NCOR2: variants seen among roughly 807,000 people sequenced by gnomAD.
NCOR2 encodes CTG repeat protein 26.
NCOR2 carries 81 observed loss-of-function variants against 262.9 expected under a neutral mutation model. The ratio of observed to expected loss-of-function variants is 0.31; its 90% CI spans 0.26 to 0.37. The LOEUF is 0.37. NCOR2 is among the 10% of genes least tolerant of loss of function. The pLI is 1.00. For synonymous variants in NCOR2, 1,659 were observed against 1,559.3 expected, an observed-to-expected ratio of 1.06 and a Z score of -1.51; for missense variants, 3,385 against 3,621.4, an observed-to-expected ratio of 0.93 and a Z score of 1.68.
At chr12:124,427,580 A>C (rs1471092526) in intron 10 of NCOR2, among the ~76,000 whole-genome samples, 1 of 152,094 alleles carries the variant, frequency 6.6e-6, no homozygotes, top group Non-Finnish European at 1.5e-5. Context: ...CTCTTCACTC[A>C]ATGTGCAGGA....
chr12:124,416,841 G>A (rs966243873), intron 13 of NCOR2, among the ~76,000 whole-genome samples: 6 of 127,728 alleles, frequency 4.7e-5, no homozygotes, highest in African/African-American at 1.4e-4. Context: ...GGGAGACCCC[G>A]TGGCCCAGGG....
intron 1 of NCOR2, among the ~76,000 whole-genome samples, chr12:124,564,334 A>C (rs2052163848): frequency 2.0e-5 from 3 of 152,258 alleles, no homozygotes; most frequent in African/African-American, 7.2e-5. Flanking sequence ...CCCAGGCAGC[A>C]GCTCAAGCTT....
In NCOR2 at chr12:124,378,468, G is replaced by GCA; in HGVS notation, c.2020-85_2020-84insTG. On this transcript the variant is annotated intron_variant, in intron 17 of 46. Coordinates refer to ENST00000405201, the Ensembl canonical transcript of NCOR2. The surrounding 1 kb of genome is among the most constrained non-coding windows in gnomAD (Gnocchi z 4.2). ...CCCCATGCCTGGGGCCTCGCCGCAGGTGCAAAGGGCAGTGATCCCGGCCAT... is the reference window on the plus strand; with the variant it reads ...CCCCATGCCTGGGGCCTCGCCGCAGGCATGCAAAGGGCAGTGATCCCGGCCAT... The GCA allele has an allele frequency of 7.2e-7, 1 of 1,388,412 alleles. No homozygotes were observed. The highest frequency in any genetic ancestry group is 9.7e-7 in the Non-Finnish European group (1 of 1,035,920). 86.0% of individuals were successfully genotyped at this position (1,388,412 alleles called of 1,614,324 possible).
At chr12:124,420,790 T>G (rs1174032195) in intron 12 of NCOR2, among the ~76,000 whole-genome samples, 2 of 152,168 alleles carry the variant, frequency 1.3e-5, no homozygotes, top group African/African-American at 4.8e-5. Flanking sequence ...ATGTAAAATG[T>G]TTCTGCAATG....
chr12:124,422,456 C>G (rs769490454), intron 12 of NCOR2, 45 bp downstream of exon 14: 10 of 1,611,790 alleles, frequency 6.2e-6, no homozygotes, highest in Non-Finnish European at 8.5e-6. Flanking sequence ...CGCAGTTGCC[C>G]ACGGAGGTGG....
intron 13 of NCOR2, among the ~76,000 whole-genome samples, chr12:124,417,113 GTCACTCCACGGAGAGCAGACCAGACAC>G (rs2042931116): frequency 2.0e-5 from 2 of 99,938 alleles, no homozygotes; most frequent in Admixed American, 9.8e-5. Flanking sequence ...AGGCCGGACA[GTCACTCCACGGAGAGCAGACCAGACAC>G]TCACTCCACG....
intron 1 of NCOR2, 86 bp from the exon 4 acceptor site, chr12:124,486,654 C>A: frequency 6.9e-7 from 1 of 1,456,596 alleles, no homozygotes; most frequent in South Asian, 1.3e-5. Context: ...AGGCCGTGGA[C>A]TCCCTGCTCA....
intron 20 of NCOR2, among the ~76,000 whole-genome samples, chr12:124,371,400 T>G (rs2039501030): frequency 6.6e-6 from 1 of 152,196 alleles, no homozygotes; most frequent in African/African-American, 2.4e-5. Flanking sequence ...TATTTGGAAA[T>G]AGACTGTTTG....
At chr12:124,458,825 T>A (rs1471318407) in intron 5 of NCOR2, among the ~76,000 whole-genome samples, 1 of 152,050 alleles carries the variant, frequency 6.6e-6, no homozygotes, top group African/African-American at 2.4e-5. Context: ...GGGGCAGACA[T>A]CACCCGGAGA....
chr12:124,343,298 A>G (rs1392094965), intron 32 of NCOR2, 72 bp from the exon 35 acceptor site: 3 of 1,305,364 alleles, frequency 2.3e-6, no homozygotes, highest in African/African-American at 3.0e-5. Context: ...GAGGATAGGG[A>G]CCTCGGGATC....
chr12:124,500,794 C>G (rs1313778785), intron 1 of NCOR2, among the ~76,000 whole-genome samples: 1 of 151,918 alleles, frequency 6.6e-6, no homozygotes, highest in East Asian at 1.9e-4. Context: ...TGGTTCAGAC[C>G]TGGGGAGGGT....
intron 7 of NCOR2, among the ~76,000 whole-genome samples, chr12:124,438,806 GAGACGGAGACCC>G (rs2044569488): frequency 6.7e-6 from 1 of 148,772 alleles, no homozygotes; most frequent in Non-Finnish European, 1.5e-5. Flanking sequence ...GAGAGAGAGA[GAGACGGAGACCC>G]AGAGAGAGGG....
chr12:124,445,088 A>G (rs530950249), intron 7 of NCOR2, among the ~76,000 whole-genome samples: 1 of 152,314 alleles, frequency 6.6e-6, no homozygotes, highest in East Asian at 1.9e-4. Context: ...CAGGCTGCGA[A>G]AAGAGAAAAA....
At chr12:124,511,656 G>A (rs1004255157) in intron 1 of NCOR2, among the ~76,000 whole-genome samples, 14 of 152,118 alleles carry the variant, frequency 9.2e-5, no homozygotes, top group Non-Finnish European at 1.9e-4. Flanking sequence ...TTTGGTTCTC[G>A]GCAAGAAAGG....
At chr12:124,486,597 C>T (rs768209397) in intron 1 of NCOR2, 29 bp from the exon 4 acceptor site, 22 of 1,544,716 alleles carry the variant, frequency 1.4e-5, no homozygotes, top group Non-Finnish European at 1.8e-5. Flanking sequence ...GAGTGGTGAG[C>T]GTGGGCGGGC....
At chr12:124,334,587 G>A (rs998919085) in exon 41 of NCOR2, 2 of 1,408,082 alleles carry the variant, frequency 1.4e-6, no homozygotes, top group East Asian at 2.7e-5. Context: ...TGCTGTGGGT[G>A]GTGCCGGGTG....
intron 7 of NCOR2, among the ~76,000 whole-genome samples, chr12:124,447,087 G>A (rs1280358237): frequency 6.6e-6 from 1 of 152,136 alleles, no homozygotes; most frequent in African/African-American, 2.4e-5. Context: ...GCTAATTTTT[G>A]TATTTTTAGT....
At chr12:124,451,093 G>C (rs1429510751) in intron 6 of NCOR2, among the ~76,000 whole-genome samples, 1 of 152,270 alleles carries the variant, frequency 6.6e-6, no homozygotes, top group Admixed American at 6.5e-5. Flanking sequence ...CAAAAGCAGA[G>C]GCTTGAAGAT....
chr12:124,545,732 G>T (rs2051521710), intron 1 of NCOR2, among the ~76,000 whole-genome samples: 2 of 152,096 alleles, frequency 1.3e-5, no homozygotes, highest in African/African-American at 4.8e-5. Context: ...ACTCCACAGA[G>T]TGAGCCACGC....
Sources: allele counts gnomAD v4.1 joint callset (sites outside exome capture counted in the v4.1 genomes callset), GRCh38; gene constraint gnomAD v4.1.1; non-coding constraint Gnocchi (gnomAD v3.1); transcripts MANE v1.5; gene names NCBI Gene and HGNC (gene_info 2026-07-23, HGNC 2026-07-21).